The following CAMK4 variants were observed in gnomAD, a reference collection of about 807,000 sequenced individuals.
CAMK4 encodes the protein calcium/calmodulin-dependent protein kinase type IV.
CAMK4 carries 22 observed loss-of-function variants against 44.9 expected under a neutral mutation model. The ratio of observed to expected loss-of-function variants is 0.49; its 90% CI spans 0.35 to 0.70. The LOEUF is 0.70. Among genes scored for constraint, CAMK4 ranks in the 30% least tolerant of loss-of-function variants. The pLI is 0.01. For synonymous variants in CAMK4, 218 were observed against 215.4 expected (o/e 1.01, Z -0.11); for missense variants, 498 against 586.8 (o/e 0.85, Z 1.56).
At chr5:111,407,984 G>T (rs1752498372) in intron 5 of CAMK4, among the ~76,000 whole-genome samples, 1 of 151,906 alleles carries the variant, frequency 6.6e-6, no homozygotes, top group Non-Finnish European at 1.5e-5. Flanking sequence ...AATTAGCCGG[G>T]CATGGTCCCA....
At chr5:111,279,318 G>A (rs1240466996) in intron 1 of CAMK4, among the ~76,000 whole-genome samples, 1 of 152,082 alleles carries the variant, frequency 6.6e-6, no homozygotes, top group Non-Finnish European at 1.5e-5. Flanking sequence ...AACCCTGACT[G>A]AGCTATTTGG....
At chr5:111,367,626 C>A (rs1750842867) in intron 2 of CAMK4, among the ~76,000 whole-genome samples, 1 of 152,108 alleles carries the variant, frequency 6.6e-6, no homozygotes, top group South Asian at 2.1e-4. Flanking sequence ...AAATTTCTGG[C>A]TGTTATAGCT....
intron 2 of CAMK4, among the ~76,000 whole-genome samples, chr5:111,351,267 T>A (rs948040133): frequency 4.6e-5 from 7 of 152,154 alleles, no homozygotes; most frequent in Non-Finnish European, 7.4e-5. Flanking sequence ...CTAGATGTAC[T>A]GTATTAACTG....
chr5:111,441,961 C>T (rs1054778806), intron 5 of CAMK4, among the ~76,000 whole-genome samples: 4 of 152,006 alleles, frequency 2.6e-5, no homozygotes, highest in East Asian at 1.9e-4. Context: ...TCTCTATGTA[C>T]GGTGATTGTG....
At chr5:111,434,796 A>G (rs1471533808) in intron 5 of CAMK4, among the ~76,000 whole-genome samples, 2 of 152,218 alleles carry the variant, frequency 1.3e-5, no homozygotes, top group Non-Finnish European at 1.5e-5. Context: ...TTTTGAGTAG[A>G]AAAGAGTAAA....
intron 5 of CAMK4, among the ~76,000 whole-genome samples, chr5:111,426,930 A>G (rs1753248317): frequency 6.6e-6 from 1 of 152,192 alleles, no homozygotes; most frequent in Admixed American, 6.5e-5. Flanking sequence ...TCTAGGCCAC[A>G]AGGACTGCAA....
intron 5 of CAMK4, among the ~76,000 whole-genome samples, chr5:111,435,424 C>G (rs1016819729): frequency 6.6e-6 from 1 of 152,080 alleles, no homozygotes; most frequent in East Asian, 1.9e-4. Flanking sequence ...GCACAGCCAT[C>G]TTTCATAATG....
intron 5 of CAMK4, among the ~76,000 whole-genome samples, chr5:111,414,437 C>T (rs1184050535): frequency 2.0e-5 from 3 of 152,114 alleles, no homozygotes; most frequent in African/African-American, 7.2e-5. Context: ...CAATACATTA[C>T]CAGGTTAATG....
rs765081287 is a variant in CAMK4 at position 111,484,026 on chromosome 5, G to T, written c.982G>T (p.Ala328Ser). The change falls in exon 11 of 11, where the codon GCA becomes TCA. Residue 328 changes from alanine (A) to serine (S), a missense_variant and splice_region_variant. By Grantham distance (99) the Ala-to-Ser change is moderately conservative. Around this residue, in one of 3 missense-constraint regions of CAMK4, gnomAD observed 203 missense variants for 298.2 expected, o/e 0.68. Transcript: ENST00000282356. This position sits in a 1 kb window ranked among gnomAD's most constrained non-coding sequence, Gnocchi z 5.3. Reference sequence around the variant, plus strand: ...TTGACACTCTTCTGTTTCCAATCAGGCAGCGGTGAAGGCTGTGGTGGCCTC... The same window carrying T: ...TTGACACTCTTCTGTTTCCAATCAGTCAGCGGTGAAGGCTGTGGTGGCCTC... ...QEFNARRKLKAAVKAVVASSR... is the reference protein window; with the variant it reads ...QEFNARRKLKSAVKAVVASSR... 4 of 1,565,390 alleles carry T rather than the reference G, an allele frequency of 2.6e-6. No homozygotes were observed. The highest frequency in any genetic ancestry group is 1.9e-5 in the Admixed American group (1 of 53,184).
rs567946953 is a variant in CAMK4, at chr5:111,327,381, G to A, written c.162-16643G>A. Reference sequence around the variant, plus strand: ...GCATAGTATTCCATGGTGTATATGTGCCACATTTTCTTAATCCAGTCTGTC... The same window carrying A: ...GCATAGTATTCCATGGTGTATATGTACCACATTTTCTTAATCCAGTCTGTC... On this transcript the variant is annotated intron_variant, in intron 1 of 10. Transcript: ENST00000282356. Among the ~76,000 whole-genome samples, 1,295 of 152,102 alleles carry A rather than the reference G, an allele frequency of 8.5e-3. 6 individuals are homozygous for A. The highest frequency in any genetic ancestry group is 0.037 in the Middle Eastern group (11 of 294).
chr5:111,289,439 C>T (rs1751359544), intron 1 of CAMK4, among the ~76,000 whole-genome samples: 1 of 152,214 alleles, frequency 6.6e-6, no homozygotes, highest in African/African-American at 2.4e-5. Context: ...AAGATATCCT[C>T]CTCACCACTT....
At chr5:111,262,419 G>A (rs1350976797) in intron 1 of CAMK4, among the ~76,000 whole-genome samples, 1 of 152,146 alleles carries the variant, frequency 6.6e-6, no homozygotes, top group Non-Finnish European at 1.5e-5. Context: ...CATGTCAAAA[G>A]GGATGGCTCC....
intron 1 of CAMK4, among the ~76,000 whole-genome samples, chr5:111,274,730 C>G (rs528945211): frequency 6.6e-6 from 1 of 152,204 alleles, no homozygotes; most frequent in South Asian, 2.1e-4. Flanking sequence ...TACATCCTTG[C>G]TAACATTACA....
At chr5:111,469,685 G>T (rs1754995497) in intron 7 of CAMK4, among the ~76,000 whole-genome samples, 1 of 152,206 alleles carries the variant, frequency 6.6e-6, no homozygotes, top group Non-Finnish European at 1.5e-5. Flanking sequence ...AGAGCCAACA[G>T]GATGAGTCCC....
chr5:111,467,568 G>C (rs1754886291), intron 7 of CAMK4, among the ~76,000 whole-genome samples: 1 of 151,950 alleles, frequency 6.6e-6, no homozygotes, highest in African/African-American at 2.4e-5. Context: ...CTCAAAAGAA[G>C]ATATACAAAT....
chr5:111,477,224 C>T (rs1453682045), intron 8 of CAMK4, among the ~76,000 whole-genome samples: 2 of 152,198 alleles, frequency 1.3e-5, no homozygotes, highest in Admixed American at 1.3e-4. Context: ...CAGGGGTCTG[C>T]ACTGTCAGGC....
At chr5:111,468,282 A>G (rs775421665) in intron 7 of CAMK4, among the ~76,000 whole-genome samples, 10 of 152,186 alleles carry the variant, frequency 6.6e-5, no homozygotes, top group African/African-American at 1.7e-4. Flanking sequence ...GAAATTTTCA[A>G]TGTGACCAAA....
intron 2 of CAMK4, among the ~76,000 whole-genome samples, chr5:111,369,103 T>C: frequency 6.6e-6 from 1 of 151,384 alleles, no homozygotes; most frequent in East Asian, 1.9e-4. Flanking sequence ...TCTCATTCTG[T>C]TGCCCAGGCT....
intron 5 of CAMK4, among the ~76,000 whole-genome samples, chr5:111,434,055 G>C (rs2112945835): frequency 6.6e-6 from 1 of 152,268 alleles, no homozygotes; most frequent in Middle Eastern, 3.4e-3. Context: ...CCAGCACTTT[G>C]GGAGGCCGAG....
Sources: allele counts gnomAD v4.1 joint callset (sites outside exome capture counted in the v4.1 genomes callset), GRCh38; gene constraint gnomAD v4.1.1; regional missense constraint gnomAD v4.1.1; non-coding constraint Gnocchi (gnomAD v3.1); transcripts MANE v1.5; gene names NCBI Gene and HGNC (gene_info 2026-07-23, HGNC 2026-07-21).